VIPAS39: variants seen among roughly 807,000 people sequenced by gnomAD.
VIPAS39 encodes the protein VPS33B interacting protein, apical-basolateral polarity regulator, spe-39 homolog, also known as spermatogenesis-defective protein 39 homolog.
VIPAS39 carries 63 observed loss-of-function variants against 84.7 expected under a neutral mutation model. The observed-to-expected ratio is 0.74, with a 90% CI of 0.61 to 0.92. The LOEUF (loss-of-function observed/expected upper bound fraction) is 0.92, where lower values mean the gene tolerates loss of function less well. Among genes scored for constraint, VIPAS39 ranks in the 40% least tolerant of loss-of-function variants. The probability of loss-of-function intolerance (pLI) is 0.00; values close to 1 mark genes in which losing one functional copy is unlikely to be tolerated. For synonymous variants in VIPAS39, 192 were observed against 216.5 expected, an observed-to-expected ratio of 0.89 and a Z score of 0.99; for missense variants, 499 against 604.5, an observed-to-expected ratio of 0.83 and a Z score of 1.83.
At chr14:77,444,891 T>C (rs187365966) in intron 7 of VIPAS39, among the ~76,000 whole-genome samples, 37 of 151,960 alleles carry the variant, frequency 2.4e-4, no homozygotes, top group Admixed American at 1.1e-3. Context: ...CAATCACTTG[T>C]TCTTTTTTAA....
chr14:77,457,502 G>A lies in VIPAS39; in HGVS notation c.-8C>T, dbSNP rs2078980822. The A allele has an allele frequency of 7.5e-6, 8 of 1,064,078 alleles. No homozygotes were observed. Among genetic ancestry groups the A allele is most frequent in the African/African-American group, 1.6e-5 (1 of 63,454 alleles). 65.9% of individuals were successfully genotyped at this position (1,064,078 alleles called of 1,614,324 possible). On this transcript the variant is annotated 5_prime_UTR_variant, in exon 1 of 20. Coordinates refer to ENST00000557658, the MANE Select transcript of VIPAS39 (RefSeq NM_001193315.2). ...GGCTTGGGACACCCTCACCTCTTCC[G>A]CACAGAGCCCTCCCTCTCAGGACAG... is the stretch of plus-strand genomic sequence containing the variant.
chr14:77,435,426 AAAAC>A, intron 13 of VIPAS39, 33 bp from the exon 14 acceptor site: 1 of 1,611,276 alleles, frequency 6.2e-7, no homozygotes, highest in Admixed American at 1.7e-5. Flanking sequence ...AAAAAAAAAA[AAAAC>A]AATGTCCATG....
chr14:77,454,264 G>C (rs532071727), intron 1 of VIPAS39, among the ~76,000 whole-genome samples, 162 bp from the exon 2 acceptor site: 11 of 152,256 alleles, frequency 7.2e-5, no homozygotes, highest in Non-Finnish European at 1.3e-4. Flanking sequence ...CCAGATTCTT[G>C]GGTCTCCAAC....
chr14:77,430,222 CTCTT>C (rs1337617825), intron 16 of VIPAS39, among the ~76,000 whole-genome samples: 5 of 152,184 alleles, frequency 3.3e-5, no homozygotes, highest in Non-Finnish European at 7.3e-5. Flanking sequence ...AGGAACTTCA[CTCTT>C]TCTATACTTT....
At chr14:77,455,110 A>G (rs2078940502) in intron 1 of VIPAS39, among the ~76,000 whole-genome samples, 1 of 152,246 alleles carries the variant, frequency 6.6e-6, no homozygotes, top group African/African-American at 2.4e-5. Context: ...TATATAAAGA[A>G]GTAGTCAAAA....
Position 77,435,530 on chromosome 14 carries a change from T to G in VIPAS39, c.913-137A>C, listed in dbSNP as rs887805581. 1.1e-5 allele frequency: 13 copies of G among 1,224,414 alleles called. No individual in the cohort carries two copies. The African/African-American group carries it at 1.8e-4, about 17-fold the overall frequency. The allele number at this position is 1,224,414 out of a possible 1,614,324, so 75.8% of individuals were successfully genotyped here. A position where few individuals can be genotyped will look rare whatever the true frequency, so the allele number is the denominator to read the frequency against. On this transcript the variant is annotated intron_variant, in intron 13 of 19. Transcript: ENST00000557658. ...ACAAAGAACAGAAAAAGAAAGAAAT[T>G]GCCTAGGATATCCCCAGAGTAGTTT...
chr14:77,428,405 C>T lies in VIPAS39; in HGVS notation c.1426G>A (p.Glu476Lys). 6.2e-7 allele frequency: 1 copy of T among 1,614,020 alleles called. No individual in the cohort carries two copies. Among genetic ancestry groups the T allele is most frequent in the Non-Finnish European group, 8.5e-7 (1 of 1,179,920 alleles). Residue 476 changes from glutamate (E) to lysine (K), a missense_variant, in exon 19 of 20, where the codon GAG becomes AAG. Transcript: ENST00000557658. ...AGAAGAGCATCAATCTTCTCCTCCT[C>T]TGCTGATCCTTTATCTACCTTACTC... ...YRSKVDKGSA[E>K]EEKIDALLSS...
At chr14:77,442,440 G>T in intron 10 of VIPAS39, 120 bp downstream of exon 10, 2 of 865,844 alleles carry the variant, frequency 2.3e-6, no homozygotes, top group Non-Finnish European at 2.0e-6. Context: ...CACTTCAATA[G>T]CTTGTCTTCC....
At chr14:77,447,152 G>A (rs1044306791) in intron 7 of VIPAS39, among the ~76,000 whole-genome samples, 4 of 151,572 alleles carry the variant, frequency 2.6e-5, no homozygotes, top group African/African-American at 4.9e-5. Context: ...AGCCTCCTGA[G>A]AAGCTGTGAT....
At chr14:77,428,507 A>C in intron 18 of VIPAS39, 33 bp from the exon 19 acceptor site, 2 of 1,597,230 alleles carry the variant, frequency 1.3e-6, no homozygotes, top group Non-Finnish European at 1.7e-6. Flanking sequence ...CAAACCTCCA[A>C]TCAGCCTCTG....
Position 77,433,948 on chromosome 14 carries a change from G to A in VIPAS39, c.1090-17C>T, listed in dbSNP as rs372598184. On this transcript the variant is annotated splice_polypyrimidine_tract_variant and intron_variant, in intron 15 of 19. Coordinates refer to ENST00000557658, the MANE Select transcript of VIPAS39 (RefSeq NM_001193315.2). Reference sequence around the variant, plus strand: ...ATCTGGGATCTGGAAAGCAGAGACCGAGAAAAATTAAGGGGAAGTAGAAAT... The same window carrying A: ...ATCTGGGATCTGGAAAGCAGAGACCAAGAAAAATTAAGGGGAAGTAGAAAT... 24 of 1,612,796 alleles carry A rather than the reference G, an allele frequency of 1.5e-5. No homozygotes were observed. Among genetic ancestry groups the A allele is most frequent in the Admixed American group, 6.7e-5 (4 of 59,978 alleles).
intron 17 of VIPAS39, among the ~76,000 whole-genome samples, chr14:77,429,341 C>A (rs981018117): frequency 6.6e-6 from 1 of 152,230 alleles, no homozygotes; most frequent in Non-Finnish European, 1.5e-5. Context: ...CACATGCCAG[C>A]AATGAGTGCT....
chr14:77,443,724 A>G (rs149810795), intron 8 of VIPAS39, among the ~76,000 whole-genome samples: 2 of 152,054 alleles, frequency 1.3e-5, no homozygotes, highest in Middle Eastern at 3.4e-3. Flanking sequence ...GTGAAACCCC[A>G]TATCTACTAA....
In VIPAS39 at chr14:77,453,298, C is replaced by A. The variant is rs772723924; in HGVS notation, c.196+1G>T. ...CCCTGCCTAGGGACTCTTCTACTTACTTCCCACAGGTTCCCCACTCCAGCT... is the reference window on the plus strand; with the variant it reads ...CCCTGCCTAGGGACTCTTCTACTTAATTCCCACAGGTTCCCCACTCCAGCT... On this transcript the variant is annotated splice_donor_variant, in intron 3 of 19. Coordinates refer to ENST00000557658, the MANE Select transcript of VIPAS39 (RefSeq NM_001193315.2). LOFTEE classifies it high-confidence loss of function. 2.5e-6 allele frequency: 4 copies of A among 1,614,102 alleles called. No individual in the cohort carries two copies. Among genetic ancestry groups the A allele is most frequent in the Non-Finnish European group, 3.4e-6 (4 of 1,179,966 alleles).
chr14:77,455,475 AC>A, intron 1 of VIPAS39, among the ~76,000 whole-genome samples: 1 of 152,108 alleles, frequency 6.6e-6, no homozygotes. Context: ...ACACAGTGAG[AC>A]CCTCCCTATC....
rs117815142 is a variant in VIPAS39 at position 77,433,114 on chromosome 14, G to C, written c.1179+728C>G. 8.8e-3 allele frequency among the ~76,000 whole-genome samples: 1,335 copies of C among 152,084 alleles called. 19 individuals are homozygous for C. The highest frequency in any genetic ancestry group is 0.037 in the South Asian group (177 of 4,812). ...AAAAAAATACAGAAGCAAACCAAAA[G>C]TAGCTATAAATAACTAATTTAAATA... On this transcript the variant is annotated intron_variant, in intron 16 of 19. Transcript: ENST00000557658.
chr14:77,448,540 T>C lies in VIPAS39; in HGVS notation c.458A>G (p.Asn153Ser), dbSNP rs369405011. ...CACTGTATCACTGGGGCTCCAGTCATTGCTGTAATCCTGGAATATTAGCAA... is the reference window on the plus strand; with the variant it reads ...CACTGTATCACTGGGGCTCCAGTCACTGCTGTAATCCTGGAATATTAGCAA... Reference protein sequence around the residue: ...RPKGEYRDYSNDWSPSDTVRR... With the variant: ...RPKGEYRDYSSDWSPSDTVRR... Residue 153 changes from asparagine to serine, a missense_variant, in exon 7 of 20, where the codon AAT becomes AGT. By Grantham distance (46) the Asn-to-Ser change is conservative. Transcript: ENST00000557658. 2.5e-6 allele frequency: 4 copies of C among 1,614,036 alleles called. No individual in the cohort carries two copies. The highest frequency in any genetic ancestry group is 2.2e-5 in the South Asian group (2 of 91,088).
At chr14:77,427,711 C>A (rs866003041) in intron 19 of VIPAS39, 75 bp from the exon 20 acceptor site, 2 of 1,571,684 alleles carry the variant, frequency 1.3e-6, no homozygotes, top group Middle Eastern at 3.3e-4. Flanking sequence ...GAAAATGCAA[C>A]AAAACAAGGC....
chr14:77,455,899 G>A (rs2078953579), intron 1 of VIPAS39, among the ~76,000 whole-genome samples: 1 of 152,164 alleles, frequency 6.6e-6, no homozygotes, highest in South Asian at 2.1e-4. Flanking sequence ...TAATTTTAGG[G>A]AGATAAACCA....
Sources: gnomAD v4.1 joint callset for allele counts (sites outside exome capture counted in the v4.1 genomes callset) on GRCh38, gnomAD v4.1.1 for gene constraint, MANE v1.5 for transcripts, NCBI Gene and HGNC (gene_info 2026-07-23, HGNC 2026-07-21) for gene names.